TRPM3: variants seen among roughly 807,000 people sequenced by gnomAD.
TRPM3 encodes the protein transient receptor potential cation channel subfamily M member 3, also known as long transient receptor potential channel 3.
In TRPM3, 77 loss-of-function variants were observed where a neutral mutation model predicts 181.2. The observed-to-expected ratio is 0.42, with a 90% confidence interval of 0.35 to 0.51. The LOEUF (loss-of-function observed/expected upper bound fraction) is 0.51, where lower values mean the gene tolerates loss of function less well. TRPM3 is among the 20% of genes least tolerant of loss of function. The pLI is 0.01. For missense variants in TRPM3, 1,759 were observed against 2,196.7 expected (o/e 0.80, Z 3.98); for synonymous variants, 745 against 796.4 (o/e 0.94, Z 1.09).
chr9:71,422,433 G>A (rs922886036), intron 1 of TRPM3, among the ~76,000 whole-genome samples: 81 of 151,950 alleles, frequency 5.3e-4, no homozygotes, highest in African/African-American at 1.9e-3. Context: ...GAGACCCCTC[G>A]ATCTTTATTC....
intron 1 of TRPM3, among the ~76,000 whole-genome samples, chr9:71,164,911 A>G (rs2076462511): frequency 6.6e-6 from 1 of 152,204 alleles, no homozygotes; most frequent in South Asian, 2.1e-4. Context: ...AATCCATAAG[A>G]TTTTATACTC....
chr9:70,543,939 A>T (rs907927726), intron 25 of TRPM3, among the ~76,000 whole-genome samples: 3 of 152,140 alleles, frequency 2.0e-5, no homozygotes, highest in Non-Finnish European at 4.4e-5. Flanking sequence ...TGACGCAGGG[A>T]CTCACTCTGT....
At chr9:70,660,410 C>T (rs535892537) in intron 9 of TRPM3, among the ~76,000 whole-genome samples, 54 of 152,214 alleles carry the variant, frequency 3.5e-4, no homozygotes, top group Middle Eastern at 6.8e-3. Flanking sequence ...CTCTCTGCTT[C>T]GAGTTGTCCT....
chr9:70,878,429 T>C (rs929275217), intron 1 of TRPM3, among the ~76,000 whole-genome samples: 1 of 152,056 alleles, frequency 6.6e-6, no homozygotes, highest in Non-Finnish European at 1.5e-5. Context: ...CACTCAAAAA[T>C]ATCTGTTGAA....
chr9:70,792,607 G>C (rs1159389475), intron 6 of TRPM3, among the ~76,000 whole-genome samples: 1 of 151,356 alleles, frequency 6.6e-6, no homozygotes, highest in Non-Finnish European at 1.5e-5. Flanking sequence ...AGAGAGAAGG[G>C]AGGGGAAACA....
At chr9:71,218,069 T>C (rs2080006208) in intron 1 of TRPM3, among the ~76,000 whole-genome samples, 1 of 152,224 alleles carries the variant, frequency 6.6e-6, no homozygotes, top group Non-Finnish European at 1.5e-5. Flanking sequence ...TTTCATCAGG[T>C]ATTAAAGCAA....
chr9:71,168,510 C>CTTTT (rs386415035), intron 1 of TRPM3, among the ~76,000 whole-genome samples: 10 of 90,634 alleles, frequency 1.1e-4, no homozygotes, highest in Non-Finnish European at 1.4e-4. Flanking sequence ...TGACATTTTT[C>CTTTT]TTTTTTTTTT....
chr9:71,438,170 T>C (rs1316259690), intron 1 of TRPM3, among the ~76,000 whole-genome samples: 1 of 152,166 alleles, frequency 6.6e-6, no homozygotes, highest in Non-Finnish European at 1.5e-5. Context: ...TACATTTCTC[T>C]GACAAATAAT....
At chr9:71,302,726 A>G (rs1356096718) in intron 1 of TRPM3, among the ~76,000 whole-genome samples, 1 of 152,006 alleles carries the variant, frequency 6.6e-6, no homozygotes, top group Non-Finnish European at 1.5e-5. Context: ...GACAAAGCTG[A>G]AAGACTCAGC....
rs570639175 is a variant in TRPM3, at chr9:71,181,722, C to T, written c.183+264931G>A. On this transcript the variant is annotated intron_variant, in intron 1 of 24. Coordinates refer to the TRPM3 transcript ENST00000357533. ...CCTTTAGCAACAGAGAGGTTCTTTT[C>T]TACTTTTCTTTTCTCGTTATCTGCC... is the stretch of plus-strand genomic sequence containing the variant. 5.7e-4 allele frequency among the ~76,000 whole-genome samples: 86 copies of T among 152,176 alleles called. 3 individuals are homozygous for T. In the South Asian group the frequency reaches 0.011, roughly 20 times the overall value.
At chr9:70,976,800 T>C (rs1251852359) in intron 1 of TRPM3, among the ~76,000 whole-genome samples, 1 of 152,122 alleles carries the variant, frequency 6.6e-6, no homozygotes, top group Non-Finnish European at 1.5e-5. Flanking sequence ...TTAAATGAAA[T>C]AATTTACCAG....
At chr9:70,983,635 A>G (rs2134046777) in intron 1 of TRPM3, among the ~76,000 whole-genome samples, 1 of 152,290 alleles carries the variant, frequency 6.6e-6, no homozygotes, top group South Asian at 2.1e-4. Flanking sequence ...TTTACCATAA[A>G]AAACAGAAAG....
chr9:71,345,447 G>A (rs911888671), intron 1 of TRPM3, among the ~76,000 whole-genome samples: 1 of 152,162 alleles, frequency 6.6e-6, no homozygotes, highest in African/African-American at 2.4e-5. Flanking sequence ...GCGGGGACAT[G>A]GATGAAGCTG....
chr9:71,104,283 A>G (rs2069022544), intron 1 of TRPM3, among the ~76,000 whole-genome samples: 1 of 152,164 alleles, frequency 6.6e-6, no homozygotes, highest in African/African-American at 2.4e-5. Context: ...CACAGCCAAC[A>G]TTTTGTAAAA....
At position 70,846,674 on chromosome 9, in the gene TRPM3, GT is replaced by G. The variant is rs2094967768; in HGVS notation, c.463-84del. On this transcript the variant is annotated intron_variant, in intron 3 of 25. Transcript: ENST00000677713. Reference sequence around the variant, plus strand: ...ATCTTTACTGATTGCAATTATATGTGTAGTTATGTGACAAAAACGTCTCATA... The same window carrying G: ...ATCTTTACTGATTGCAATTATATGTGAGTTATGTGACAAAAACGTCTCATA... 3.5e-6 allele frequency: 4 copies of G among 1,130,938 alleles called. No homozygotes were observed. The South Asian group carries it at 5.6e-5, about 16-fold the overall frequency. The allele number at this position is 1,130,938 out of a possible 1,614,324, so 70.1% of individuals were successfully genotyped here. A position where few individuals can be genotyped will look rare whatever the true frequency, so the allele number is the denominator to read the frequency against.
At chr9:70,609,453 A>G (rs2061694636) in intron 19 of TRPM3, among the ~76,000 whole-genome samples, 1 of 152,226 alleles carries the variant, frequency 6.6e-6, no homozygotes, top group Non-Finnish European at 1.5e-5. Context: ...TCTTTTCTCA[A>G]GACCACACTT....
intron 1 of TRPM3, among the ~76,000 whole-genome samples, chr9:70,911,431 A>G (rs1366084362): frequency 6.6e-6 from 1 of 152,204 alleles, no homozygotes; most frequent in Non-Finnish European, 1.5e-5. Flanking sequence ...TCATGCCTCA[A>G]ATATGATCTA....
chr9:70,592,545 T>C lies in TRPM3; in HGVS notation c.3049-1340A>G, dbSNP rs543738206. On this transcript the variant is annotated intron_variant, in intron 21 of 25. Coordinates refer to ENST00000677713, the MANE Select transcript of TRPM3 (RefSeq NM_001366145.2). ...TCATTATGCCCTTCATAAGTCAATA[T>C]ATCCCTTCTAGGCTTAAGCTAGTTG... Among the ~76,000 whole-genome samples, 4 of 152,268 alleles carry C rather than the reference T, an allele frequency of 2.6e-5. No homozygotes were observed. In the East Asian group the frequency reaches 7.7e-4, roughly 29 times the overall value.
intron 22 of TRPM3, among the ~76,000 whole-genome samples, chr9:70,574,256 T>C (rs1391366339): frequency 6.6e-6 from 1 of 152,186 alleles, no homozygotes; most frequent in Admixed American, 6.5e-5. Context: ...AACTTGGCCC[T>C]GGTCTGCCTT....
Sources: allele counts gnomAD v4.1 joint callset (sites outside exome capture counted in the v4.1 genomes callset), GRCh38; gene constraint gnomAD v4.1.1; transcripts MANE v1.5; gene names NCBI Gene and HGNC (gene_info 2026-07-23, HGNC 2026-07-21).